PTPN3: variants seen among roughly 807,000 people sequenced by gnomAD.
PTPN3 encodes the protein tyrosine-protein phosphatase non-receptor type 3.
Under a neutral mutation model 132.7 loss-of-function variants are expected in PTPN3, and 96 were observed. The observed-to-expected ratio is 0.72, with a 90% CI of 0.61 to 0.86. The LOEUF (loss-of-function observed/expected upper bound fraction) is 0.86. Among genes scored for constraint, PTPN3 ranks in the 40% least tolerant of loss-of-function variants. The probability of loss-of-function intolerance (pLI) is 0.00; values close to 1 mark genes in which losing one functional copy is unlikely to be tolerated. For synonymous variants in PTPN3, 398 were observed against 429.0 expected, an observed-to-expected ratio of 0.93 and a Z score of 0.89; for missense variants, 1,125 against 1,159.6, an observed-to-expected ratio of 0.97 and a Z score of 0.43.
At chr9:109,526,629 C>A in the PTPN3 span, among the ~76,000 whole-genome samples, 1 of 152,128 alleles carries the variant, frequency 6.6e-6, no homozygotes. Context: ...GGGCTGCGTT[C>A]ATGCCACTGC....
intron 9 of PTPN3, among the ~76,000 whole-genome samples, chr9:109,433,604 C>T (rs1843816410): frequency 6.6e-6 from 1 of 152,210 alleles, no homozygotes; most frequent in Non-Finnish European, 1.5e-5. Flanking sequence ...GACTCTAAAT[C>T]TACTTAAGAA....
chr9:109,533,844 G>C, the PTPN3 span: 1 of 839,386 alleles, frequency 1.2e-6, no homozygotes. Flanking sequence ...TCGCTATTCT[G>C]GTAGTTTTGC....
chr9:109,438,285 A>G, intron 7 of PTPN3, 51 bp from the exon 8 acceptor site: 1 of 1,559,646 alleles, frequency 6.4e-7, no homozygotes, highest in Non-Finnish European at 8.7e-7. Context: ...CCTTTTTAAT[A>G]TGGTTTGCAT....
the PTPN3 span, chr9:109,533,448 T>G: frequency 2.7e-6 from 4 of 1,485,178 alleles, no homozygotes; most frequent in Non-Finnish European, 2.8e-6. Flanking sequence ...ACCTGGCCGG[T>G]TTAGGGTTTT....
intron 1 of PTPN3, among the ~76,000 whole-genome samples, chr9:109,473,063 T>C (rs1846457132): frequency 6.6e-6 from 1 of 152,244 alleles, no homozygotes; most frequent in Non-Finnish European, 1.5e-5. Context: ...ATACCTTTTA[T>C]GAAAAAATGA....
intron 19 of PTPN3, 89 bp downstream of exon 19, chr9:109,404,359 T>G (rs963202138): frequency 3.0e-6 from 3 of 985,412 alleles, no homozygotes; most frequent in Non-Finnish European, 4.2e-6. Flanking sequence ...CAAGGGCTTG[T>G]GTCTCTGCCT....
chr9:109,464,518 A>C (rs940464710), intron 1 of PTPN3, among the ~76,000 whole-genome samples: 3 of 152,230 alleles, frequency 2.0e-5, no homozygotes, highest in African/African-American at 7.2e-5. Flanking sequence ...CAATTTACCT[A>C]TATAACAAAC....
intron 12 of PTPN3, among the ~76,000 whole-genome samples, chr9:109,423,640 G>A (rs1328568208): frequency 3.3e-5 from 5 of 152,084 alleles, no homozygotes; most frequent in East Asian, 1.9e-4. Flanking sequence ...TTCAGGCTAC[G>A]TTCTTTGAAA....
At chr9:109,417,532 GTTTT>G (rs34687094) in intron 14 of PTPN3, 16 of 804,910 alleles carry the variant, frequency 2.0e-5, no homozygotes, top group African/African-American at 1.7e-4. Context: ...TAACCAACAG[GTTTT>G]TTTTTTTTTC....
At chr9:109,383,281 T>C in intron 23 of PTPN3, 142 bp downstream of exon 23, 1 of 1,451,176 alleles carries the variant, frequency 6.9e-7, no homozygotes, top group Non-Finnish European at 9.5e-7. Context: ...GCCCTGGCTC[T>C]TTGATGGGCA....
intron 1 of PTPN3, among the ~76,000 whole-genome samples, chr9:109,486,620 G>A (rs944126022): frequency 1.3e-5 from 2 of 152,158 alleles, no homozygotes; most frequent in African/African-American, 4.8e-5. Flanking sequence ...CTCTGTTTCA[G>A]AAATGCAGAG....
rs1254044349 is a variant in PTPN3, at chr9:109,404,573, C to T, written c.1828G>A (p.Glu610Lys). ...GCTTCGGGGAAAAGCTGGTTCAGTT[C>T]ATCTTCAGACTTGAAGTCAGCAAAT... ...RSFADFKSED[E>K]LNQLFPEAIF... Residue 610 changes from glutamate (E) to lysine (K), a missense_variant, in exon 19 of 26, where the codon GAA (glutamate) becomes AAA (lysine). By Grantham distance (56) the Glu-to-Lys change is moderately conservative (BLOSUM62 1). Coordinates refer to ENST00000374541, the MANE Select transcript of PTPN3 (RefSeq NM_002829.4). 1.3e-5 allele frequency: 21 copies of T among 1,559,220 alleles called. No homozygotes were observed. Among genetic ancestry groups the T allele is most frequent in the Non-Finnish European group, 1.7e-5 (19 of 1,143,832 alleles).
At position 109,408,763 on chromosome 9, in the gene PTPN3, C is replaced by T. The variant is rs576971435; in HGVS notation, c.1579-386G>A. ...AAACCTGCACGTTGTGCACATGTAC[C>T]CTAGAACTTATAATAATTAAAAAAA... On this transcript the variant is annotated intron_variant, in intron 16 of 25. Transcript: ENST00000374541. Among the ~76,000 whole-genome samples the T allele has an allele frequency of 1.1e-4, 14 of 128,162 alleles. No homozygotes were observed. The East Asian group carries it at 1.8e-3, about 16-fold the overall frequency. The allele number at this position is 128,162 out of a possible 152,430, so 84.1% of individuals were successfully genotyped here.
chr9:109,535,593 C>T, the PTPN3 span, among the ~76,000 whole-genome samples: 4 of 152,090 alleles, frequency 2.6e-5, no homozygotes, highest in Admixed American at 1.3e-4. Flanking sequence ...TTGCAGTCTC[C>T]GCCTCCAGGT....
intron 4 of PTPN3, among the ~76,000 whole-genome samples, chr9:109,455,207 C>T (rs1845500171): frequency 6.6e-6 from 1 of 152,232 alleles, no homozygotes; most frequent in South Asian, 2.1e-4. Context: ...GTAAATCACA[C>T]AATGAACATA....
At chr9:109,485,240 G>A (rs1281431218) in intron 1 of PTPN3, among the ~76,000 whole-genome samples, 3 of 152,154 alleles carry the variant, frequency 2.0e-5, no homozygotes, top group Admixed American at 6.5e-5. Flanking sequence ...GGGCGCGGTG[G>A]CTCACGCCTG....
chr9:109,488,784 TG>T (rs1413208079), intron 1 of PTPN3, among the ~76,000 whole-genome samples: 13 of 152,202 alleles, frequency 8.5e-5, no homozygotes, highest in African/African-American at 3.1e-4. Context: ...CTAGACTTCC[TG>T]ATAAATGGCC....
At chr9:109,511,310 G>A in the PTPN3 span, among the ~76,000 whole-genome samples, 1 of 152,158 alleles carries the variant, frequency 6.6e-6, no homozygotes, top group Non-Finnish European at 1.5e-5. Flanking sequence ...GAACAGTGGG[G>A]AAGTGAGAAG....
At chr9:109,500,786 G>C (rs950117973), upstream of PTPN3, among the ~76,000 whole-genome samples, 2 of 151,798 alleles carry the variant, frequency 1.3e-5, no homozygotes, top group Non-Finnish European at 2.9e-5. Context: ...ACTTATCCAG[G>C]TGTGGTGGCA....
Sources: gnomAD v4.1 joint callset for allele counts (sites outside exome capture counted in the v4.1 genomes callset) on GRCh38, gnomAD v4.1.1 for gene constraint, MANE v1.5 for transcripts, NCBI Gene and HGNC (gene_info 2026-07-23, HGNC 2026-07-21) for gene names.